Variants in ZDHHC15 observed in about 807,000 individuals in gnomAD.
ZDHHC15 encodes the protein palmitoyltransferase ZDHHC15.
A neutral mutation model predicts 31.7 loss-of-function variants in ZDHHC15; 19 were observed. The ratio of observed to expected loss-of-function variants is 0.60; its 90% CI spans 0.42 to 0.88. ZDHHC15 has a LOEUF of 0.88. Among genes scored for constraint, ZDHHC15 ranks in the 40% least tolerant of loss-of-function variants. The pLI, the probability that ZDHHC15 is intolerant of heterozygous loss-of-function variation, is 0.00. For missense variants in ZDHHC15, 209 were observed against 251.2 expected, an observed-to-expected ratio of 0.83 and a Z score of 1.14; for synonymous variants, 103 against 90.0, an observed-to-expected ratio of 1.14 and a Z score of -0.82.
chrX:75,391,935 A>C (rs150838849), intron 10 of ZDHHC15, among the ~76,000 whole-genome samples: 280 of 112,219 alleles, frequency 2.5e-3, no homozygotes, highest in African/African-American at 8.6e-3. Context: ...TAAGATACAA[A>C]TAGACATAAA....
chrX:75,440,915 G>C (rs1169811725), intron 4 of ZDHHC15, among the ~76,000 whole-genome samples: 1 of 111,347 alleles, frequency 9.0e-6, no homozygotes, highest in African/African-American at 3.3e-5. Flanking sequence ...GAGGATTATG[G>C]CTGCCTCTGC....
chrX:75,384,413 G>T, intron 10 of ZDHHC15: 1 of 1,001,589 alleles, frequency 1.0e-6, no homozygotes, highest in East Asian at 3.0e-5. Context: ...AGAAAACATG[G>T]AGTTGTTCCT....
At chrX:75,425,151 G>A (rs1332265979) in intron 7 of ZDHHC15, among the ~76,000 whole-genome samples, 1 of 111,230 alleles carries the variant, frequency 9.0e-6, no homozygotes, top group African/African-American at 3.3e-5. Flanking sequence ...TTATCCTCTT[G>A]TCTCAGGGTA....
chrX:75,463,020 A>C (rs1421020110), intron 3 of ZDHHC15, among the ~76,000 whole-genome samples: 1 of 111,500 alleles, frequency 9.0e-6, no homozygotes, highest in East Asian at 2.8e-4. Context: ...ACCACTAGCC[A>C]GACTAATAAA....
intron 1 of ZDHHC15, among the ~76,000 whole-genome samples, chrX:75,515,352 G>A (rs915724332): frequency 6.3e-5 from 7 of 110,920 alleles, no homozygotes; most frequent in African/African-American, 2.3e-4. Context: ...CTGGCAAACC[G>A]AATCCAGAAG....
At chrX:75,486,981 A>T (rs185505224) in intron 2 of ZDHHC15, among the ~76,000 whole-genome samples, 1 of 111,319 alleles carries the variant, frequency 9.0e-6, no homozygotes. Flanking sequence ...AAACGTGAGT[A>T]CCCATCCTAG....
At chrX:75,442,842 C>T (rs772316524) in intron 4 of ZDHHC15, among the ~76,000 whole-genome samples, 77 of 108,119 alleles carry the variant, frequency 7.1e-4, no homozygotes, top group African/African-American at 2.0e-3. Context: ...AAAAATTAGC[C>T]GGGCACGGTG....
chrX:75,430,728 GC>G (rs1488486705), intron 5 of ZDHHC15, among the ~76,000 whole-genome samples: 1 of 111,303 alleles, frequency 9.0e-6, no homozygotes, highest in Non-Finnish European at 1.9e-5. Context: ...TACTACCTCA[GC>G]CAGATGATCA....
intron 7 of ZDHHC15, among the ~76,000 whole-genome samples, chrX:75,425,553 C>T (rs1394464380): frequency 8.9e-6 from 1 of 112,356 alleles, no homozygotes; most frequent in Admixed American, 9.5e-5. Flanking sequence ...CAGCATGTAA[C>T]ATTTATCTTC....
At chrX:75,482,233 C>A (rs754913441) in intron 2 of ZDHHC15, among the ~76,000 whole-genome samples, 4 of 111,132 alleles carry the variant, frequency 3.6e-5, no homozygotes, top group Non-Finnish European at 7.5e-5. Flanking sequence ...ATGCAATATA[C>A]CCAGCTAACA....
At chrX:75,485,234 C>A (rs1433949392) in intron 2 of ZDHHC15, among the ~76,000 whole-genome samples, 1 of 111,233 alleles carries the variant, frequency 9.0e-6, no homozygotes. Context: ...CTGACAAAAA[C>A]AAAGATCTAA....
At chrX:75,439,917 T>G (rs948952079) in intron 4 of ZDHHC15, among the ~76,000 whole-genome samples, 1 of 111,449 alleles carries the variant, frequency 9.0e-6, no homozygotes, top group African/African-American at 3.3e-5. Context: ...GGAGCCAGAC[T>G]GCAGTGATTG....
At chrX:75,452,051 C>T (rs375641513) in intron 3 of ZDHHC15, among the ~76,000 whole-genome samples, 9 of 110,630 alleles carry the variant, frequency 8.1e-5, no homozygotes, top group Admixed American at 4.9e-4. Flanking sequence ...TGAAAGTTAA[C>T]GGGCTAAATG....
chrX:75,482,978 T>C (rs2084714593), intron 2 of ZDHHC15, among the ~76,000 whole-genome samples: 1 of 101,253 alleles, frequency 9.9e-6, no homozygotes, highest in Non-Finnish European at 2.0e-5. Context: ...TATGATCACA[T>C]GTATGTATAT....
intron 3 of ZDHHC15, among the ~76,000 whole-genome samples, chrX:75,474,492 AC>A (rs1172874777): frequency 5.9e-5 from 6 of 100,964 alleles, no homozygotes; most frequent in Admixed American, 1.1e-4. Context: ...CTTTTATTAT[AC>A]TTACACTTTT....
chrX:75,505,687 C>T, intron 2 of ZDHHC15, 134 bp downstream of exon 2: 1 of 721,105 alleles, frequency 1.4e-6, no homozygotes, highest in Non-Finnish European at 2.1e-6. Context: ...TCCTGAAAAC[C>T]ATCATTCTAA....
At chrX:75,504,469 C>T (rs1237043203) in intron 2 of ZDHHC15, among the ~76,000 whole-genome samples, 1 of 111,410 alleles carries the variant, frequency 9.0e-6, no homozygotes, top group Non-Finnish European at 1.9e-5. Flanking sequence ...TGTGAATCAT[C>T]TGATGGATCA....
chrX:75,477,589 C>A (rs191711764), intron 3 of ZDHHC15, among the ~76,000 whole-genome samples: 3 of 111,865 alleles, frequency 2.7e-5, no homozygotes, highest in African/African-American at 9.7e-5. Context: ...GATAAATTGA[C>A]TCTTTTGTAA....
At chrX:75,413,016 G>A (rs916094050) in intron 10 of ZDHHC15, among the ~76,000 whole-genome samples, 3 of 111,129 alleles carry the variant, frequency 2.7e-5, no homozygotes, top group Non-Finnish European at 5.7e-5. Context: ...TAATAATATT[G>A]TATTGTATAC....
Sources: allele counts gnomAD v4.1 joint callset (sites outside exome capture counted in the v4.1 genomes callset), GRCh38; gene constraint gnomAD v4.1.1; transcripts MANE v1.5; gene names NCBI Gene and HGNC (gene_info 2026-07-23, HGNC 2026-07-21).